PAH: variants seen among roughly 807,000 people sequenced by gnomAD.
PAH encodes phenylalanine-4-hydroxylase.
Under a neutral mutation model 62.0 loss-of-function variants are expected in PAH, and 64 were observed. That is an observed-to-expected ratio of 1.03 (90% CI 0.84 to 1.27). The LOEUF is 1.27. Among genes scored for constraint, PAH ranks in the 50% most tolerant of loss-of-function variants. The pLI is 0.00. For synonymous variants in PAH, 195 were observed against 196.2 expected, an observed-to-expected ratio of 0.99 and a Z score of 0.05; for missense variants, 579 against 542.8, an observed-to-expected ratio of 1.07 and a Z score of -0.66.
At chr12:102,851,280 CACTTAATTCAA>C in intron 8 of PAH, among the ~76,000 whole-genome samples, 1 of 152,176 alleles carries the variant, frequency 6.6e-6, no homozygotes, top group East Asian at 1.9e-4. Flanking sequence ...AATGTCACCT[CACTTAATTCAA>C]GCATATACAC....
Position 102,928,480 on chromosome 12 carries a change from C to T in PAH, c.-95-11255G>A, listed in dbSNP as rs539729928. ...CTGGAGAAAGTCCCCATTATCTTTT[C>T]CCTCTGGTTCTCAAGGGAAGCAAAA... On this transcript the variant is annotated intron_variant, in intron 1 of 3. Transcript: ENST00000546844. Among the ~76,000 whole-genome samples the T allele has an allele frequency of 3.9e-5, 6 of 152,150 alleles. No homozygotes were observed. In the South Asian group the frequency reaches 1.2e-3, roughly 32 times the overall value.
chr12:102,866,083 G>GA (rs3062690), intron 5 of PAH, among the ~76,000 whole-genome samples: 6,088 of 144,812 alleles, frequency 0.042, 391 homozygotes, highest in African/African-American at 0.14. Context: ...CCCCAGACAG[G>GA]AAAAAAAAAA....
At chr12:102,919,825 C>A (rs1878509727), upstream of PAH, among the ~76,000 whole-genome samples, 1 of 152,042 alleles carries the variant, frequency 6.6e-6, no homozygotes, top group African/African-American at 2.4e-5. Flanking sequence ...TATTAAAGTA[C>A]CACATTTTTT....
chr12:102,838,189 C>G lies in PAH; in HGVS notation c.*986G>C, dbSNP rs979452468. 9 of 152,106 alleles carry G rather than the reference C, an allele frequency of 5.9e-5. No homozygotes were observed. The highest frequency in any genetic ancestry group is 2.2e-4 in the African/African-American group (9 of 41,430). 9.4% of individuals were successfully genotyped at this position (152,106 alleles called of 1,614,324 possible). On this transcript the variant is annotated 3_prime_UTR_variant, in exon 13 of 13. Transcript: ENST00000553106. Reference sequence around the variant, plus strand: ...TGTCCAGGCATGACTTTGAGTGTCACAAGGAGCCCCTGCAAAGGGTTGGAG... The same window carrying G: ...TGTCCAGGCATGACTTTGAGTGTCAGAAGGAGCCCCTGCAAAGGGTTGGAG...
chr12:102,893,250 A>G (rs1220922082), intron 3 of PAH, among the ~76,000 whole-genome samples: 3 of 152,026 alleles, frequency 2.0e-5, no homozygotes, highest in Non-Finnish European at 2.9e-5. Context: ...AAATACAAAA[A>G]TTAGCCAGGC....
intron 1 of PAH, among the ~76,000 whole-genome samples, chr12:102,946,411 T>TCAA: frequency 6.6e-6 from 1 of 152,240 alleles, no homozygotes; most frequent in Non-Finnish European, 1.5e-5. Flanking sequence ...CCCATGTTGG[T>TCAA]GAGACTTGCA....
At chr12:102,920,029 C>T (rs1448122970), upstream of PAH, among the ~76,000 whole-genome samples, 3 of 152,110 alleles carry the variant, frequency 2.0e-5, no homozygotes, top group East Asian at 3.9e-4. Flanking sequence ...CCAAACTGTT[C>T]TCCATAGTGG....
intron 3 of PAH, among the ~76,000 whole-genome samples, chr12:102,883,073 G>T (rs1223552504): frequency 6.6e-6 from 1 of 152,066 alleles, no homozygotes; most frequent in Non-Finnish European, 1.5e-5. Context: ...CTAATCTTGG[G>T]CTTTAGTTTC....
At chr12:102,850,257 T>C (rs1875085515) in intron 8 of PAH, among the ~76,000 whole-genome samples, 1 of 152,204 alleles carries the variant, frequency 6.6e-6, no homozygotes, top group African/African-American at 2.4e-5. Flanking sequence ...CTTCCAAAAG[T>C]CCAACGATCT....
intron 5 of PAH, among the ~76,000 whole-genome samples, chr12:102,866,251 A>G (rs1875956279): frequency 6.6e-6 from 1 of 152,118 alleles, no homozygotes; most frequent in Non-Finnish European, 1.5e-5. Context: ...TTCCCTGTTT[A>G]ATGTAGAGAA....
intron 5 of PAH, 27 bp from the exon 6 acceptor site, chr12:102,855,359 C>A: frequency 1.2e-6 from 2 of 1,605,854 alleles, no homozygotes; most frequent in Non-Finnish European, 1.7e-6. Flanking sequence ...AAATAGGTGT[C>A]TCAAGCAGGG....
intron 5 of PAH, among the ~76,000 whole-genome samples, chr12:102,863,054 C>A (rs1875801642): frequency 6.6e-6 from 1 of 152,152 alleles, no homozygotes; most frequent in African/African-American, 2.4e-5. Flanking sequence ...ACTGTTCAAT[C>A]CTTGGCCCTG....
intron 1 of PAH, among the ~76,000 whole-genome samples, chr12:102,922,674 A>G (rs1878586598): frequency 6.6e-6 from 1 of 152,200 alleles, no homozygotes; most frequent in African/African-American, 2.4e-5. Context: ...CTAATCTTTC[A>G]CTATTACAAG....
upstream of PAH, among the ~76,000 whole-genome samples, chr12:102,918,075 A>T (rs1878454519): frequency 6.6e-6 from 1 of 152,216 alleles, no homozygotes; most frequent in African/African-American, 2.4e-5. Context: ...GGTGGGCAGA[A>T]AATAAACATA....
Position 102,844,395 on chromosome 12 carries a change from G to C in PAH, c.1006C>G (p.Gln336Glu), listed in dbSNP as rs62516061. 3 of 1,613,828 alleles carry C rather than the reference G, an allele frequency of 1.9e-6. No individual in the cohort carries two copies. In the East Asian group the frequency reaches 6.7e-5, roughly 36 times the overall value. Residue 336 changes from glutamine (Q) to glutamate (E), a missense_variant, in exon 10 of 13, where the codon CAA becomes GAA. Transcript: ENST00000553106. ...CCATATGCCTTTATGGAGTCTCCTT[G>C]TTTGCAGAGCCCAAACTCCACAGTA... Reference protein sequence around the residue: ...WFTVEFGLCKQGDSIKAYGAG... With the variant: ...WFTVEFGLCKEGDSIKAYGAG...
At chr12:102,926,014 C>T (rs776497725) in intron 1 of PAH, among the ~76,000 whole-genome samples, 24 of 152,006 alleles carry the variant, frequency 1.6e-4, no homozygotes, top group Admixed American at 7.2e-4. Context: ...CATTCATGCA[C>T]ACATTTATTC....
At chr12:102,844,032 G>T (rs1011961567) in intron 10 of PAH, among the ~76,000 whole-genome samples, 1 of 152,084 alleles carries the variant, frequency 6.6e-6, no homozygotes, top group African/African-American at 2.4e-5. Context: ...AATAGATGAC[G>T]TGGGAGCCAA....
intron 3 of PAH, among the ~76,000 whole-genome samples, chr12:102,878,835 A>G (rs1224588356): frequency 1.3e-5 from 2 of 152,142 alleles, no homozygotes; most frequent in Non-Finnish European, 2.9e-5. Context: ...CGTACCTTCA[A>G]AATAAGGAAG....
intron 1 of PAH, among the ~76,000 whole-genome samples, chr12:102,915,696 T>A (rs1443628555): frequency 5.9e-5 from 9 of 152,198 alleles, no homozygotes; most frequent in Non-Finnish European, 1.3e-4. Context: ...CTTCTTATAA[T>A]GCAGTTCCCT....
Sources: gnomAD v4.1 joint callset for allele counts (sites outside exome capture counted in the v4.1 genomes callset) on GRCh38, gnomAD v4.1.1 for gene constraint, MANE v1.5 for transcripts, NCBI Gene and HGNC (gene_info 2026-07-23, HGNC 2026-07-21) for gene names.